MCPH1: variants seen among roughly 807,000 people sequenced by gnomAD.
The protein encoded by MCPH1 is microcephalin.
MCPH1 carries 104 observed loss-of-function variants against 84.5 expected under a neutral mutation model. The ratio of observed to expected loss-of-function variants is 1.23; its 90% CI spans 1.05 to 1.45. MCPH1 has a LOEUF of 1.45. MCPH1 is among the 40% of genes most tolerant of loss of function. The probability of loss-of-function intolerance (pLI) is 0.00; values close to 1 mark genes in which losing one functional copy is unlikely to be tolerated. For synonymous variants in MCPH1, 514 were observed against 366.8 expected, an observed-to-expected ratio of 1.40 and a Z score of -4.58; for missense variants, 1,498 against 1,005.7, an observed-to-expected ratio of 1.49 and a Z score of -6.62.
At chr8:6,466,048 C>T (rs1185793864) in intron 9 of MCPH1, among the ~76,000 whole-genome samples, 1 of 151,644 alleles carries the variant, frequency 6.6e-6, no homozygotes, top group Non-Finnish European at 1.5e-5. Flanking sequence ...TCTGCCTCCC[C>T]AGTTCAAGTG....
intron 13 of MCPH1, among the ~76,000 whole-genome samples, chr8:6,637,685 G>A (rs947691011): frequency 6.6e-6 from 1 of 152,152 alleles, no homozygotes; most frequent in African/African-American, 2.4e-5. Flanking sequence ...TGGATACAGA[G>A]TCTCCCAATG....
rs139607465 is a variant in MCPH1 at position 6,436,159 on chromosome 8, C to A, written c.433C>A (p.Leu145Ile). Residue 145 changes from leucine (L) to isoleucine (I), a missense_variant, in exon 5 of 14, where the codon CTA becomes ATA. Physicochemically the swap from Leu to Ile is conservative, Grantham distance 5. Transcript: ENST00000344683. ...AKELQRQKTN[L>I]DDDVPILLFE... ...AGAGCTACAAAGGCAAAAAACAAAT[C>A]TAGGTAAGCTAAGAAATATAATACA... 6.2e-7 allele frequency: 1 copy of A among 1,612,740 alleles called. No individual in the cohort carries two copies. The highest frequency in any genetic ancestry group is 8.5e-7 in the Non-Finnish European group (1 of 1,179,466).
intron 11 of MCPH1, among the ~76,000 whole-genome samples, chr8:6,485,281 C>G (rs1268715784): frequency 6.6e-6 from 1 of 151,766 alleles, no homozygotes; most frequent in Non-Finnish European, 1.5e-5. Flanking sequence ...GCCGAGATCA[C>G]GCCACTGCAC....
intron 12 of MCPH1, among the ~76,000 whole-genome samples, chr8:6,587,981 G>A (rs1047962305): frequency 1.9e-4 from 29 of 152,180 alleles, no homozygotes; most frequent in African/African-American, 6.3e-4. Flanking sequence ...TCAACCTGAC[G>A]CATCTCTCAA....
At chr8:6,452,791 C>G (rs1278276615) in intron 8 of MCPH1, among the ~76,000 whole-genome samples, 1 of 152,244 alleles carries the variant, frequency 6.6e-6, no homozygotes, top group African/African-American at 2.4e-5. Flanking sequence ...GCACCGTGAT[C>G]TCGGCCTTCA....
intron 8 of MCPH1, among the ~76,000 whole-genome samples, chr8:6,454,482 G>T (rs189897035): frequency 7.9e-5 from 12 of 152,318 alleles, no homozygotes; most frequent in Admixed American, 6.5e-4. Flanking sequence ...GAGGAAGGGT[G>T]AGAGTAAGAG....
intron 12 of MCPH1, among the ~76,000 whole-genome samples, chr8:6,577,772 G>C (rs1827233053): frequency 6.6e-6 from 1 of 152,228 alleles, no homozygotes; most frequent in Non-Finnish European, 1.5e-5. Context: ...TTGTACAAGA[G>C]ATACAAATTA....
At chr8:6,506,172 G>T (rs888623792) in intron 12 of MCPH1, among the ~76,000 whole-genome samples, 2 of 151,700 alleles carry the variant, frequency 1.3e-5, no homozygotes, top group African/African-American at 4.8e-5. Context: ...AAGTTTGCGT[G>T]TTCTATTCAG....
At chr8:6,412,156 G>C (rs751946663) in intron 2 of MCPH1, among the ~76,000 whole-genome samples, 13 of 152,170 alleles carry the variant, frequency 8.5e-5, no homozygotes, top group African/African-American at 2.2e-4. Context: ...GGTCAGTGGA[G>C]AGGAATCCGA....
At chr8:6,501,393 A>G (rs1466511201) in intron 12 of MCPH1, 2 of 152,208 alleles carry the variant, frequency 1.3e-5, no homozygotes, top group African/African-American at 4.8e-5. Context: ...AATGATTCAG[A>G]AAAGAATATA....
chr8:6,553,232 T>A (rs1195217867), intron 12 of MCPH1, among the ~76,000 whole-genome samples: 3 of 152,168 alleles, frequency 2.0e-5, no homozygotes, highest in African/African-American at 7.2e-5. Context: ...TGCACTTTAC[T>A]CTCGATGTGG....
chr8:6,411,000 G>T (rs1798458380), intron 2 of MCPH1, among the ~76,000 whole-genome samples: 1 of 152,134 alleles, frequency 6.6e-6, no homozygotes, highest in African/African-American at 2.4e-5. Flanking sequence ...TGAGGCAGGA[G>T]AATCGTTTGA....
At chr8:6,592,614 C>CTTTTTTTTTTTTTTTTTTTT (rs1252024553) in intron 12 of MCPH1, among the ~76,000 whole-genome samples, 8 of 65,512 alleles carry the variant, frequency 1.2e-4, no homozygotes, top group African/African-American at 2.1e-4. Context: ...GTTTTTCTTT[C>CTTTTTTTTTTTTTTTTTTTT]TTTTTTTTGT....
At chr8:6,473,320 C>CTTTTTTTTTTTTTTTTTTT (rs56077837) in intron 9 of MCPH1, among the ~76,000 whole-genome samples, 2 of 76,396 alleles carry the variant, frequency 2.6e-5, no homozygotes, top group African/African-American at 1.1e-4. Flanking sequence ...TCTCTCAATC[C>CTTTTTTTTTTTTTTTTTTT]TTTTTTTTTT....
At chr8:6,469,101 G>C (rs924325908) in intron 9 of MCPH1, among the ~76,000 whole-genome samples, 1 of 152,084 alleles carries the variant, frequency 6.6e-6, no homozygotes, top group African/African-American at 2.4e-5. Context: ...GGAGGCTTGA[G>C]ACCAGGAATT....
chr8:6,429,341 C>T (rs1801509237), intron 3 of MCPH1, among the ~76,000 whole-genome samples: 1 of 152,012 alleles, frequency 6.6e-6, no homozygotes, highest in South Asian at 2.1e-4. Context: ...TGGGCACAGG[C>T]AAGGAGAGAA....
intron 12 of MCPH1, among the ~76,000 whole-genome samples, chr8:6,516,295 A>G (rs1816255328): frequency 1.3e-5 from 2 of 152,204 alleles, no homozygotes; most frequent in Non-Finnish European, 1.5e-5. Context: ...TGTGTATATT[A>G]TCTATAATCT....
At chr8:6,513,769 C>A (rs768375694) in intron 12 of MCPH1, 1 of 1,614,032 alleles carries the variant, frequency 6.2e-7, no homozygotes, top group Admixed American at 1.7e-5. Context: ...ATTTTAAGCA[C>A]ATAGCGTTGC....
intron 12 of MCPH1, among the ~76,000 whole-genome samples, chr8:6,599,434 T>C (rs1829198867): frequency 6.6e-6 from 1 of 152,248 alleles, no homozygotes; most frequent in Non-Finnish European, 1.5e-5. Context: ...TTGTCCATTA[T>C]TCTCACCGTG....
Sources: allele counts gnomAD v4.1 joint callset (sites outside exome capture counted in the v4.1 genomes callset), GRCh38; gene constraint gnomAD v4.1.1; transcripts MANE v1.5; gene names NCBI Gene and HGNC (gene_info 2026-07-23, HGNC 2026-07-21).